The following NCOR1 variants were observed in gnomAD, a reference collection of about 807,000 sequenced individuals.
NCOR1 encodes the protein protein phosphatase 1, regulatory subunit 109.
Under a neutral mutation model 288.1 loss-of-function variants are expected in NCOR1, and 63 were observed. The observed-to-expected ratio is 0.22, with a 90% CI of 0.18 to 0.27. NCOR1 has a LOEUF of 0.27. Ranked by LOEUF, NCOR1 falls within the 10% of genes least tolerant of loss-of-function variation. NCOR1 has a pLI of 1.00. For synonymous variants in NCOR1, 1,007 were observed against 1,065.9 expected (o/e 0.94, Z 1.08); for missense variants, 2,397 against 3,019.2 (o/e 0.79, Z 4.83).
rs1241552419 is a variant in NCOR1 at position 16,192,743 on chromosome 17, A to C, written c.108+1719T>G. 3.9e-5 allele frequency among the ~76,000 whole-genome samples: 6 copies of C among 152,252 alleles called. No individual in the cohort carries two copies. In the South Asian group the frequency reaches 1.2e-3, roughly 31 times the overall value. ...AAGAAAATGAGGCAATACTTCCTTTAATAATTTACATACAACAAACATATA... is the reference window on the plus strand; with the variant it reads ...AAGAAAATGAGGCAATACTTCCTTTCATAATTTACATACAACAAACATATA... On this transcript the variant is annotated intron_variant, in intron 2 of 45. Transcript: ENST00000268712.
At chr17:16,086,781 TAAC>T (rs796803842) in intron 22 of NCOR1, among the ~76,000 whole-genome samples, 6 of 152,330 alleles carry the variant, frequency 3.9e-5, no homozygotes, top group African/African-American at 1.4e-4. Flanking sequence ...AAACAGCTGA[TAAC>T]ACTACTTCAG....
At chr17:16,038,356 A>G (rs193182255) in intron 44 of NCOR1, among the ~76,000 whole-genome samples, 15 of 152,314 alleles carry the variant, frequency 9.8e-5, no homozygotes, top group African/African-American at 2.6e-4. Flanking sequence ...GTCTGAAACA[A>G]TGCTTATCAG....
rs929396902 is a variant in NCOR1, at chr17:16,091,859, C to T, written c.3016+4G>A. 6.2e-7 allele frequency: 1 copy of T among 1,613,910 alleles called. No homozygotes were observed. Among genetic ancestry groups the T allele is most frequent in the Non-Finnish European group, 8.5e-7 (1 of 1,180,034 alleles). The stretch of plus-strand genomic sequence containing the variant: ...TTCTCTTGGTGATAGCTCTATCTAC[C>T]TACCTTCCCACTCTCTGTTTGGACT... On this transcript the variant is annotated splice_donor_region_variant and intron_variant, in intron 22 of 45. Coordinates refer to ENST00000268712, the MANE Select transcript of NCOR1 (RefSeq NM_006311.4).
At chr17:16,075,128 A>G (rs1296538639) in intron 27 of NCOR1, among the ~76,000 whole-genome samples, 1 of 152,158 alleles carries the variant, frequency 6.6e-6, no homozygotes, top group East Asian at 1.9e-4. Flanking sequence ...TCGGCCTCCC[A>G]AAGTACTGGG....
At chr17:16,098,239 TATTA>T in intron 21 of NCOR1, 124 bp downstream of exon 21, 1 of 907,692 alleles carries the variant, frequency 1.1e-6, no homozygotes, top group Non-Finnish European at 1.7e-6. Context: ...TGGTTACGAT[TATTA>T]ATTTCATGTT....
intron 21 of NCOR1, among the ~76,000 whole-genome samples, chr17:16,093,811 A>AT (rs2065841539): frequency 1.3e-5 from 2 of 152,320 alleles, no homozygotes; most frequent in South Asian, 4.1e-4. Flanking sequence ...TAAGTGTCTA[A>AT]TTAAGAAGAC....
intron 1 of NCOR1, among the ~76,000 whole-genome samples, chr17:16,206,287 T>C (rs2091492515): frequency 6.7e-6 from 1 of 148,682 alleles, no homozygotes; most frequent in African/African-American, 2.5e-5. Context: ...TACATGTGCA[T>C]AAATATTCAC....
At position 16,127,420 on chromosome 17, in the gene NCOR1, CAT is replaced by C. The variant is rs1491366733; in HGVS notation, c.1510-1216_1510-1215del. ...ATGTGTATATGTGTATGTATATATA[CAT>C]GTGTATATGTGTATGTATATATGTG... On this transcript the variant is annotated intron_variant, in intron 14 of 45. Coordinates refer to ENST00000268712, the MANE Select transcript of NCOR1 (RefSeq NM_006311.4). 1.8e-4 allele frequency among the ~76,000 whole-genome samples: 6 copies of C among 32,714 alleles called. 1 individual carries two copies. The allele number at this position is 32,714 out of a possible 152,430, so 21.5% of individuals were successfully genotyped here.
chr17:16,204,780 T>A (rs2091283315), intron 1 of NCOR1, among the ~76,000 whole-genome samples: 2 of 152,232 alleles, frequency 1.3e-5, no homozygotes, highest in African/African-American at 4.8e-5. Flanking sequence ...ATTTACATTA[T>A]CTCCATTTTA....
chr17:16,163,396 C>G (rs2081289424), intron 5 of NCOR1, among the ~76,000 whole-genome samples: 1 of 152,056 alleles, frequency 6.6e-6, no homozygotes, highest in South Asian at 2.1e-4. Context: ...AATGGCCAAT[C>G]AGCACATGAA....
intron 4 of NCOR1, among the ~76,000 whole-genome samples, chr17:16,169,961 A>G (rs1237950531): frequency 2.0e-5 from 3 of 152,324 alleles, no homozygotes; most frequent in Admixed American, 2.0e-4. Flanking sequence ...GCTAATTTCT[A>G]GCTTACGGCA....
At chr17:16,164,934 G>T in intron 5 of NCOR1, 45 bp downstream of exon 5, 1 of 1,329,494 alleles carries the variant, frequency 7.5e-7, no homozygotes, top group Non-Finnish European at 1.0e-6. Flanking sequence ...CTACTGTAGG[G>T]AGACAAACAT....
rs1971802740 is a variant in NCOR1, at chr17:16,030,165, T to TAA, written c.*2130_*2131insTT. ...AAGTAAGCTAGAGAAGAGAAAATGT[T>TAA]TGTTAAGATTATAAGGAAGAGAAAA... On this transcript the variant is annotated 3_prime_UTR_variant, in exon 46 of 46. Transcript: ENST00000268712. The TAA allele has an allele frequency of 5.0e-6, 1 of 200,864 alleles. No homozygotes were observed. Among genetic ancestry groups the TAA allele is most frequent in the East Asian group, 7.8e-5 (1 of 12,818 alleles). The allele number at this position is 200,864 out of a possible 1,614,324, so 12.4% of individuals were successfully genotyped here.
chr17:16,049,515 T>G (rs897727823), intron 40 of NCOR1: 2 of 152,202 alleles, frequency 1.3e-5, no homozygotes, highest in African/African-American at 2.4e-5. Context: ...AATTTTATAT[T>G]TTTTCTCTGG....
intron 14 of NCOR1, among the ~76,000 whole-genome samples, chr17:16,130,988 A>AT (rs773227977): frequency 0.015 from 1,821 of 121,796 alleles, 22 homozygotes; most frequent in Middle Eastern, 0.019. Context: ...CGCACCTGGA[A>AT]TTTTTTTTTT....
At chr17:16,098,211 G>C (rs538579024) in intron 21 of NCOR1, among the ~76,000 whole-genome samples, 156 bp downstream of exon 21, 16 of 152,248 alleles carry the variant, frequency 1.1e-4, no homozygotes, top group African/African-American at 3.4e-4. Context: ...TAACACGAGT[G>C]AACTGTATAC....
chr17:16,081,859 A>C (rs2063463057), intron 23 of NCOR1, among the ~76,000 whole-genome samples: 1 of 152,232 alleles, frequency 6.6e-6, no homozygotes, highest in Non-Finnish European at 1.5e-5. Flanking sequence ...CCTAGAACCT[A>C]GAATGCTACA....
Position 16,151,055 on chromosome 17 carries a change from T to C in NCOR1, c.842+891A>G, listed in dbSNP as rs3213624. ...AAAAAGAAAAAAATAAATATATATA[T>C]ATAAAATAAATAGCAATGTGCTCAT... On this transcript the variant is annotated intron_variant, in intron 8 of 45. Coordinates refer to ENST00000268712, the MANE Select transcript of NCOR1 (RefSeq NM_006311.4). 4.4e-4 allele frequency among the ~76,000 whole-genome samples: 66 copies of C among 151,278 alleles called. 1 individual carries two copies. In the East Asian group the frequency reaches 0.012, roughly 28 times the overall value.
intron 3 of NCOR1, among the ~76,000 whole-genome samples, chr17:16,175,224 C>T (rs534527176): frequency 3.9e-5 from 6 of 152,078 alleles, no homozygotes; most frequent in East Asian, 1.9e-4. Flanking sequence ...AAATGTTAGG[C>T]GGGCGTGGTG....
Sources: allele counts gnomAD v4.1 joint callset (sites outside exome capture counted in the v4.1 genomes callset), GRCh38; gene constraint gnomAD v4.1.1; transcripts MANE v1.5; gene names NCBI Gene and HGNC (gene_info 2026-07-23, HGNC 2026-07-21).